The following MB21D2 variants were observed in gnomAD, a reference collection of about 807,000 sequenced individuals.
The protein encoded by MB21D2 is Mab-21 domain containing 2.
In MB21D2, 9 loss-of-function variants were observed where a neutral mutation model predicts 33.3. The ratio of observed to expected loss-of-function variants is 0.27; its 90% CI spans 0.16 to 0.47. MB21D2 has a LOEUF of 0.47. Among genes scored for constraint, MB21D2 ranks in the 20% least tolerant of loss-of-function variants. The pLI, the probability that MB21D2 is intolerant of heterozygous loss-of-function variation, is 0.99. For synonymous variants in MB21D2, 241 were observed against 236.3 expected (o/e 1.02, Z -0.18); for missense variants, 540 against 624.6 (o/e 0.86, Z 1.44).
rs1714494911 is a variant in MB21D2, at chr3:192,917,496, A to C, written c.211+134T>G. On this transcript the variant is annotated intron_variant, in intron 1 of 1. Transcript: ENST00000392452. ...GAAAGAAGAGAGAGGCGGAACAGAG[A>C]TGGCTTATACCCAAGGCACCGGCTC... 5.0e-6 allele frequency: 4 copies of C among 799,078 alleles called. No individual in the cohort carries two copies. In the South Asian group the frequency reaches 6.9e-5, roughly 14 times the overall value. 49.5% of individuals were successfully genotyped at this position (799,078 alleles called of 1,614,324 possible).
At chr3:192,801,044 C>G (rs1387754824) in intron 1 of MB21D2, among the ~76,000 whole-genome samples, 1 of 152,144 alleles carries the variant, frequency 6.6e-6, no homozygotes, top group Non-Finnish European at 1.5e-5. Flanking sequence ...CTTTTGAGAA[C>G]CATGTCTCAT....
intron 1 of MB21D2, among the ~76,000 whole-genome samples, chr3:192,817,140 C>G (rs1711944650): frequency 6.6e-6 from 1 of 152,116 alleles, no homozygotes; most frequent in Non-Finnish European, 1.5e-5. Flanking sequence ...CCCTGTTTTT[C>G]TTTTAATTTT....
At chr3:192,888,200 C>T (rs1450627825) in intron 1 of MB21D2, among the ~76,000 whole-genome samples, 2 of 152,004 alleles carry the variant, frequency 1.3e-5, no homozygotes, top group African/African-American at 2.4e-5. Context: ...TTTATTCCAG[C>T]CTTACACTTA....
chr3:192,835,515 C>T (rs1712419153), intron 1 of MB21D2, among the ~76,000 whole-genome samples: 1 of 149,492 alleles, frequency 6.7e-6, no homozygotes, highest in African/African-American at 2.5e-5. Context: ...AATTTTATTC[C>T]ACTTAATCCA....
At chr3:192,895,959 C>T (rs1419546865) in intron 1 of MB21D2, among the ~76,000 whole-genome samples, 3 of 152,172 alleles carry the variant, frequency 2.0e-5, no homozygotes, top group Admixed American at 2.0e-4. Flanking sequence ...ATTCAGACAA[C>T]TTTATGCTAC....
At chr3:192,802,816 A>G (rs1385605486) in intron 1 of MB21D2, among the ~76,000 whole-genome samples, 2 of 152,246 alleles carry the variant, frequency 1.3e-5, no homozygotes, top group African/African-American at 4.8e-5. Context: ...TCATTCTACC[A>G]TTCAGAATAC....
intron 1 of MB21D2, among the ~76,000 whole-genome samples, chr3:192,861,939 G>A (rs1267619432): frequency 1.3e-5 from 2 of 152,192 alleles, no homozygotes; most frequent in Non-Finnish European, 2.9e-5. Flanking sequence ...ACAAACTGGG[G>A]CAACAGGCCA....
At chr3:192,909,012 T>C (rs1382416079) in intron 1 of MB21D2, among the ~76,000 whole-genome samples, 2 of 151,794 alleles carry the variant, frequency 1.3e-5, no homozygotes, top group African/African-American at 2.4e-5. Context: ...TCCCAGCACT[T>C]TGGGAGGCCA....
In MB21D2 at chr3:192,799,197, A is replaced by G; in HGVS notation, c.665T>C (p.Ile222Thr). 6.2e-7 allele frequency: 1 copy of G among 1,614,230 alleles called. No individual in the cohort carries two copies. Among genetic ancestry groups the G allele is most frequent in the Non-Finnish European group, 8.5e-7 (1 of 1,180,044 alleles). The change falls in exon 2 of 2, where the codon ATC becomes ACC. Residue 222 changes from isoleucine to threonine, a missense_variant. Coordinates refer to ENST00000392452, the MANE Select transcript of MB21D2 (RefSeq NM_178496.4). The surrounding 1 kb of genome is among the most constrained non-coding windows in gnomAD (Gnocchi z 4.1). ...KVEKNGTIIS[I>T]ILGVGSSRML... ...GCGACTACTCCCTACACCCAGAATGATGGAGATGATGGTCCCATTTTTTTC... is the reference window on the plus strand; with the variant it reads ...GCGACTACTCCCTACACCCAGAATGGTGGAGATGATGGTCCCATTTTTTTC...
At chr3:192,841,330 G>A (rs1712568267) in intron 1 of MB21D2, among the ~76,000 whole-genome samples, 1 of 152,242 alleles carries the variant, frequency 6.6e-6, no homozygotes, top group Non-Finnish European at 1.5e-5. Flanking sequence ...CCCTTAAGTA[G>A]TCACCTCTCA....
intron 1 of MB21D2, among the ~76,000 whole-genome samples, chr3:192,913,301 G>C (rs1001677604): frequency 4.6e-5 from 7 of 152,098 alleles, no homozygotes; most frequent in Admixed American, 2.0e-4. Flanking sequence ...GGAGGCTGGG[G>C]TGGGAGGATC....
At chr3:192,833,346 T>C (rs571247048) in intron 1 of MB21D2, among the ~76,000 whole-genome samples, 2 of 152,360 alleles carry the variant, frequency 1.3e-5, no homozygotes, top group Non-Finnish European at 2.9e-5. Flanking sequence ...CTCTCTCAGA[T>C]GTACAACATA....
At chr3:192,845,059 T>C (rs919114617) in intron 1 of MB21D2, among the ~76,000 whole-genome samples, 2 of 152,248 alleles carry the variant, frequency 1.3e-5, no homozygotes, top group African/African-American at 4.8e-5. Context: ...TAGATTTGGC[T>C]GCTAAGTACA....
intron 1 of MB21D2, among the ~76,000 whole-genome samples, chr3:192,883,173 A>T (rs901153779): frequency 2.6e-5 from 4 of 152,024 alleles, no homozygotes; most frequent in African/African-American, 9.7e-5. Flanking sequence ...CAGCCTGACC[A>T]GTTTCATATC....
intron 1 of MB21D2, among the ~76,000 whole-genome samples, chr3:192,842,716 G>A (rs749729582): frequency 3.3e-5 from 5 of 152,142 alleles, no homozygotes; most frequent in Non-Finnish European, 5.9e-5. Context: ...ATCTCATCAA[G>A]TCATCCTATG....
intron 1 of MB21D2, among the ~76,000 whole-genome samples, chr3:192,905,633 C>T (rs1714196226): frequency 1.3e-5 from 1 of 74,708 alleles, no homozygotes; most frequent in East Asian, 3.9e-4. Flanking sequence ...CACGCCCTGT[C>T]TCAAAAAAAA....
At chr3:192,838,430 T>C (rs1712492500) in intron 1 of MB21D2, among the ~76,000 whole-genome samples, 1 of 30,416 alleles carries the variant, frequency 3.3e-5, no homozygotes, top group South Asian at 1.9e-3. Flanking sequence ...TCTGTGGACT[T>C]TTTTTTTTTT....
intron 1 of MB21D2, among the ~76,000 whole-genome samples, chr3:192,856,491 C>T (rs1712919069): frequency 6.6e-6 from 1 of 152,156 alleles, no homozygotes; most frequent in South Asian, 2.1e-4. Flanking sequence ...CATGGCTCTA[C>T]CTCAGCACCT....
At chr3:192,850,844 C>CA (rs1712785259) in intron 1 of MB21D2, among the ~76,000 whole-genome samples, 1 of 152,228 alleles carries the variant, frequency 6.6e-6, no homozygotes, top group Non-Finnish European at 1.5e-5. Flanking sequence ...ACTCCACAGT[C>CA]ATTTAAGACC....
Sources: allele counts gnomAD v4.1 joint callset (sites outside exome capture counted in the v4.1 genomes callset), GRCh38; gene constraint gnomAD v4.1.1; non-coding constraint Gnocchi (gnomAD v3.1); transcripts MANE v1.5; gene names NCBI Gene and HGNC (gene_info 2026-07-23, HGNC 2026-07-21).